Variants in CTNNA3 observed in about 807,000 individuals in gnomAD.
The protein encoded by CTNNA3 is catenin alpha 3.
Under a neutral mutation model 95.7 loss-of-function variants are expected in CTNNA3, and 76 were observed. The observed-to-expected ratio is 0.79, with a 90% confidence interval of 0.66 to 0.96. CTNNA3 has a LOEUF of 0.96. CTNNA3 is among the 40% of genes least tolerant of loss of function. CTNNA3 has a pLI of 0.00. For missense variants in CTNNA3, 1,191 were observed against 1,089.8 expected (o/e 1.09, Z -1.31); for synonymous variants, 431 against 374.4 (o/e 1.15, Z -1.74).
chr10:65,944,912 A>G (rs945517369), intron 17 of CTNNA3, among the ~76,000 whole-genome samples: 1 of 149,944 alleles, frequency 6.7e-6, no homozygotes, highest in Non-Finnish European at 1.5e-5. Flanking sequence ...TCTATCTATC[A>G]TCTATTTATC....
At chr10:67,575,237 T>C (rs1186085836) in intron 3 of CTNNA3, among the ~76,000 whole-genome samples, 1 of 152,136 alleles carries the variant, frequency 6.6e-6, no homozygotes, top group East Asian at 1.9e-4. Flanking sequence ...ATAGCCTAAA[T>C]TTGGTCTCTC....
intron 7 of CTNNA3, among the ~76,000 whole-genome samples, chr10:67,041,462 A>G (rs1011732039): frequency 1.2e-4 from 19 of 152,168 alleles, no homozygotes; most frequent in African/African-American, 4.3e-4. Flanking sequence ...TTGGAAAGGT[A>G]ATCACCATCA....
At chr10:67,155,596 C>G (rs4746664) in intron 7 of CTNNA3, among the ~76,000 whole-genome samples, 96,132 of 151,864 alleles carry the variant, frequency 0.63, 31,615 homozygotes, top group African/African-American at 0.82. Flanking sequence ...CTATTATGTA[C>G]ATTGGGATAT....
intron 12 of CTNNA3, among the ~76,000 whole-genome samples, chr10:66,360,651 CTT>C (rs776047899): frequency 1.7e-5 from 1 of 59,918 alleles, no homozygotes; most frequent in South Asian, 5.2e-4. Flanking sequence ...TTCTTTCTTT[CTT>C]TCTTTCTTCC....
At chr10:66,903,451 C>T (rs554700335) in intron 7 of CTNNA3, among the ~76,000 whole-genome samples, 1 of 152,162 alleles carries the variant, frequency 6.6e-6, no homozygotes, top group South Asian at 2.1e-4. Context: ...GGAAGCATTC[C>T]CTTTGAAAAC....
chr10:66,002,521 T>G (rs2078790604), intron 15 of CTNNA3, among the ~76,000 whole-genome samples: 1 of 152,190 alleles, frequency 6.6e-6, no homozygotes, highest in African/African-American at 2.4e-5. Context: ...CTAACTGCTA[T>G]TATAATATCA....
At position 67,082,018 on chromosome 10, in the gene CTNNA3, A is replaced by G. The variant is rs189398034; in HGVS notation, c.1047+98299T>C. On this transcript the variant is annotated intron_variant, in intron 7 of 17. Coordinates refer to ENST00000433211, the MANE Select transcript of CTNNA3 (RefSeq NM_013266.4). ...CAGTTCCTGAAACTTAATGTTCACA[A>G]AATAGGAGTACCTAGGCTACCTTTG... Among the ~76,000 whole-genome samples the G allele has an allele frequency of 5.7e-3, 867 of 152,336 alleles. 4 individuals are homozygous for G. The highest frequency in any genetic ancestry group is 0.01 in the Middle Eastern group (3 of 294).
intron 13 of CTNNA3, among the ~76,000 whole-genome samples, chr10:66,129,841 C>T (rs1443786474): frequency 1.3e-5 from 2 of 152,028 alleles, no homozygotes. Context: ...AGGCACCCCC[C>T]CACATCACTT....
In CTNNA3 at chr10:67,607,040, GT is replaced by G. The variant is rs1843301169; in HGVS notation, c.108del (p.Val38Ter). 1 of 1,610,214 alleles carries G rather than the reference GT, an allele frequency of 6.2e-7. No individual in the cohort carries two copies. Among genetic ancestry groups the G allele is most frequent in the Non-Finnish European group, 8.5e-7 (1 of 1,178,840 alleles). On this transcript the variant is annotated frameshift_variant, in exon 3 of 18. Transcript: ENST00000433211. LOFTEE classifies it high-confidence loss of function. ...GAAGGGTTCTGGGGACAGTTTACAAGTGTGGTAACCTAAAATTGGAAAAATA... is the reference window on the plus strand; with the variant it reads ...GAAGGGTTCTGGGGACAGTTTACAAGGTGGTAACCTAAAATTGGAAAAATA... ...LLEPLIIQVT[T>X]LVNCPQNPSS...
chr10:66,847,957 T>C lies in CTNNA3; in HGVS notation c.1048-72433A>G, dbSNP rs77038501. On this transcript the variant is annotated intron_variant, in intron 7 of 17. Transcript: ENST00000433211. Reference sequence around the variant, plus strand: ...TTGAGGTATGTTATAATAGATGAGATAGATGGAGAGAAAACCCAGGTAAGG... The same window carrying C: ...TTGAGGTATGTTATAATAGATGAGACAGATGGAGAGAAAACCCAGGTAAGG... Among the ~76,000 whole-genome samples, 527 of 151,964 alleles carry C rather than the reference T, an allele frequency of 3.5e-3. 10 individuals are homozygous for C. The East Asian group carries it at 0.054, about 15-fold the overall frequency.
chr10:67,136,261 A>G (rs1236468118), intron 7 of CTNNA3, among the ~76,000 whole-genome samples: 3 of 152,026 alleles, frequency 2.0e-5, no homozygotes, highest in Non-Finnish European at 4.4e-5. Context: ...CCACTATTAT[A>G]TAATTATATT....
At position 66,533,820 on chromosome 10, in the gene CTNNA3, T is replaced by C. The variant is rs762730691; in HGVS notation, c.1375-13047A>G. On this transcript the variant is annotated intron_variant, in intron 10 of 17. Coordinates refer to ENST00000433211, the MANE Select transcript of CTNNA3 (RefSeq NM_013266.4). The stretch of plus-strand genomic sequence containing the variant: ...GTATGGAGGTTCACGCCTATAATCC[T>C]AGTGCTTTGGGAGGTCCAGGTGGAA... Among the ~76,000 whole-genome samples, 13 of 152,254 alleles carry C rather than the reference T, an allele frequency of 8.5e-5. No homozygotes were observed. The South Asian group carries it at 1.2e-3, about 15-fold the overall frequency.
At chr10:66,249,863 G>A (rs1387746824) in intron 13 of CTNNA3, among the ~76,000 whole-genome samples, 1 of 152,008 alleles carries the variant, frequency 6.6e-6, no homozygotes, top group African/African-American at 2.4e-5. Flanking sequence ...ACTAAAAATA[G>A]AACTAACATA....
intron 7 of CTNNA3, among the ~76,000 whole-genome samples, chr10:66,810,845 G>A (rs993771632): frequency 2.6e-5 from 4 of 152,062 alleles, no homozygotes; most frequent in African/African-American, 9.7e-5. Context: ...TAGAACTTGT[G>A]TCCTTCTTTC....
At chr10:67,616,173 G>T (rs1053677726) in intron 2 of CTNNA3, among the ~76,000 whole-genome samples, 1 of 152,150 alleles carries the variant, frequency 6.6e-6, no homozygotes, top group Non-Finnish European at 1.5e-5. Context: ...CAAAACAAGA[G>T]CTTGACTGTT....
In CTNNA3 at chr10:66,814,622, C is replaced by T. The variant is rs544230659; in HGVS notation, c.1048-39098G>A. ...ACTAAAAATACAAAAATTAGCCAGG[C>T]GTGCTAGCACGTGCACCCGTACTCC... On this transcript the variant is annotated intron_variant, in intron 7 of 17. Transcript: ENST00000433211. Among the ~76,000 whole-genome samples, 252 of 152,018 alleles carry T rather than the reference C, an allele frequency of 1.7e-3. 1 individual carries two copies. Among genetic ancestry groups the T allele is most frequent in the African/African-American group, 5.6e-3 (234 of 41,488 alleles).
In CTNNA3 at chr10:66,415,682, G is replaced by A. The variant is rs185857741; in HGVS notation, c.1532-36330C>T. On this transcript the variant is annotated intron_variant, in intron 11 of 17. Transcript: ENST00000433211. ...GAGTCCCAAGCAAAACTGCACCAGA[G>A]CTTTCCTCAATAACTGGACCCTAAG... 4.0e-3 allele frequency among the ~76,000 whole-genome samples: 606 copies of A among 152,194 alleles called. 11 individuals are homozygous for A. The highest frequency in any genetic ancestry group is 0.014 in the African/African-American group (591 of 41,528).
At chr10:67,701,777 AT>A (rs1841042342) in intron 1 of CTNNA3, among the ~76,000 whole-genome samples, 2 of 151,908 alleles carry the variant, frequency 1.3e-5, no homozygotes, top group Admixed American at 6.5e-5. Context: ...ACATAACAAT[AT>A]TAACTTTAAA....
intron 3 of CTNNA3, among the ~76,000 whole-genome samples, chr10:67,559,871 G>A (rs1564739669): frequency 2.0e-5 from 3 of 152,152 alleles, no homozygotes; most frequent in African/African-American, 4.8e-5. Flanking sequence ...GCGATCAACT[G>A]GAAGAAAGGG....
Sources: gnomAD v4.1 joint callset for allele counts (sites outside exome capture counted in the v4.1 genomes callset) on GRCh38, gnomAD v4.1.1 for gene constraint, MANE v1.5 for transcripts, NCBI Gene and HGNC (gene_info 2026-07-23, HGNC 2026-07-21) for gene names.